Variants in XKR5 observed in about 807,000 individuals in gnomAD.
XKR5 encodes the protein XK related 5.
A neutral mutation model predicts 40.8 loss-of-function variants in XKR5; 46 were observed. The observed-to-expected ratio is 1.13, with a 90% confidence interval of 0.89 to 1.44. The LOEUF is 1.44. XKR5 is among the 40% of genes most tolerant of loss of function. XKR5 has a pLI of 0.00. For missense variants in XKR5, 1,169 were observed against 844.7 expected (o/e 1.38, Z -4.76); for synonymous variants, 466 against 356.1 (o/e 1.31, Z -3.48).
intron 3 of XKR5, among the ~76,000 whole-genome samples, chr8:6,823,993 G>A (rs988464119): frequency 1.3e-5 from 2 of 152,188 alleles, no homozygotes; most frequent in African/African-American, 2.4e-5. Context: ...GCTCTTCCCA[G>A]CAAATGGGCT....
At chr8:6,825,954 A>G (rs1226535305) in intron 2 of XKR5, among the ~76,000 whole-genome samples, 1 of 152,108 alleles carries the variant, frequency 6.6e-6, no homozygotes, top group African/African-American at 2.4e-5. Flanking sequence ...GTCCCGGTGA[A>G]GTAGATCAGG....
At chr8:6,818,182 T>C (rs564439515) in intron 5 of XKR5, among the ~76,000 whole-genome samples, 2 of 152,368 alleles carry the variant, frequency 1.3e-5, no homozygotes, top group East Asian at 1.9e-4. Context: ...GCACTCACTT[T>C]CCTGTGGATT....
rs184948013 is a variant in XKR5, at chr8:6,810,863, T to C, written c.*335A>G. On this transcript the variant is annotated 3_prime_UTR_variant, in exon 7 of 7. Transcript: ENST00000618742. ...CTCAAATAAAATAGGAATCTGGGTT[T>C]TACCTTTGTGTTTCCTAGAAGCCAC... is the stretch of plus-strand genomic sequence containing the variant. The C allele has an allele frequency of 1.3e-3, 259 of 197,082 alleles. 1 individual carries two copies. The highest frequency in any genetic ancestry group is 5.7e-3 in the African/African-American group (248 of 43,282). 12.2% of individuals were successfully genotyped at this position (197,082 alleles called of 1,614,324 possible).
At position 6,809,299 on chromosome 8, in the gene XKR5, C is replaced by G. The variant is rs539942807; in HGVS notation, c.*1899G>C. 2.0e-5 allele frequency: 3 copies of G among 151,018 alleles called. No homozygotes were observed. Among genetic ancestry groups the G allele is most frequent in the Admixed American group, 2.0e-4 (3 of 15,168 alleles). The allele number at this position is 151,018 out of a possible 1,614,324, so 9.4% of individuals were successfully genotyped here. A position where few individuals can be genotyped will look rare whatever the true frequency, so the allele number is the denominator to read the frequency against. On this transcript the variant is annotated 3_prime_UTR_variant, in exon 7 of 7. Coordinates refer to ENST00000618742, the MANE Select transcript of XKR5 (RefSeq NM_207411.5). Reference sequence around the variant, plus strand: ...TGAATGATTTTGTTCTATTAACAAGCTTTTTTTTTAGATAGAGTCTTGCTC... The same window carrying G: ...TGAATGATTTTGTTCTATTAACAAGGTTTTTTTTTAGATAGAGTCTTGCTC...
rs1454187821 is a variant in XKR5 at position 6,808,603 on chromosome 8, T to A, written c.*2595A>T. On this transcript the variant is annotated 3_prime_UTR_variant, in exon 7 of 7. Coordinates refer to ENST00000618742, the MANE Select transcript of XKR5 (RefSeq NM_207411.5). Reference sequence around the variant, plus strand: ...CCTTTTCATCACCGGGCAATATGCTTTCTGGAGGCATGAAGTGAGGAAGCC... The same window carrying A: ...CCTTTTCATCACCGGGCAATATGCTATCTGGAGGCATGAAGTGAGGAAGCC... The A allele has an allele frequency of 6.6e-6, 1 of 152,198 alleles. No homozygotes were observed. The highest frequency in any genetic ancestry group is 2.4e-5 in the African/African-American group (1 of 41,456). The allele number at this position is 152,198 out of a possible 1,614,324, so 9.4% of individuals were successfully genotyped here. A position where few individuals can be genotyped will look rare whatever the true frequency, so the allele number is the denominator to read the frequency against.
Position 6,823,514 on chromosome 8 carries a change from A to T in XKR5, c.637+7T>A, listed in dbSNP as rs759774481. On this transcript the variant is annotated splice_region_variant and intron_variant, in intron 4 of 6. Coordinates refer to ENST00000618742, the MANE Select transcript of XKR5 (RefSeq NM_207411.5). ...CAACAGATGACCAGATCATTAGCTC[A>T]GCTCACCTGCAACCACAAAAACCCA... 6.3e-7 allele frequency: 1 copy of T among 1,577,406 alleles called. No individual in the cohort carries two copies. Among genetic ancestry groups the T allele is most frequent in the Admixed American group, 1.8e-5 (1 of 54,068 alleles).
At chr8:6,818,724 C>G (rs549880042) in intron 5 of XKR5, among the ~76,000 whole-genome samples, 342 of 152,230 alleles carry the variant, frequency 2.2e-3, no homozygotes, top group African/African-American at 8.0e-3. Context: ...CTGGGAATCG[C>G]CACTTTATAA....
chr8:6,816,061 A>C (rs2117085013), intron 5 of XKR5, 143 bp from the exon 6 acceptor site: 1 of 611,242 alleles, frequency 1.6e-6, no homozygotes, highest in East Asian at 2.9e-5. Context: ...AGTACCCAGG[A>C]GCAGGGCTAT....
At chr8:6,834,843 G>T (rs1194108486) in intron 1 of XKR5, among the ~76,000 whole-genome samples, 3 of 151,918 alleles carry the variant, frequency 2.0e-5, no homozygotes, top group Non-Finnish European at 4.4e-5. Context: ...TTCCCCCTGC[G>T]ACGGAGGTGG....
Position 6,832,786 on chromosome 8 carries a change from C to T in XKR5, c.173G>A (p.Arg58Gln), listed in dbSNP as rs763808797. 16 of 1,613,036 alleles carry T rather than the reference C, an allele frequency of 9.9e-6. No individual in the cohort carries two copies. Among genetic ancestry groups the T allele is most frequent in the East Asian group, 2.2e-5 (1 of 44,846 alleles). Residue 58 changes from arginine to glutamine, a missense_variant, in exon 2 of 7, where the codon CGA becomes CAA. Coordinates refer to ENST00000618742, the MANE Select transcript of XKR5 (RefSeq NM_207411.5). Reference sequence around the variant, plus strand: ...GCAATGCCCTGGATGCCCGTCTGCTCGGAACCACAGGTAGCTCAGGGCCTG... The same window carrying T: ...GCAATGCCCTGGATGCCCGTCTGCTTGGAACCACAGGTAGCTCAGGGCCTG... ...LVQALSYLWF[R>Q]ADGHPGHCSL...
chr8:6,826,080 A>G (rs1364569433), intron 2 of XKR5, among the ~76,000 whole-genome samples: 1 of 152,042 alleles, frequency 6.6e-6, no homozygotes, highest in African/African-American at 2.4e-5. Context: ...GTGTCTATGT[A>G]TGTGTATGTG....
At chr8:6,829,938 T>A (rs533480719) in intron 2 of XKR5, among the ~76,000 whole-genome samples, 4 of 138,844 alleles carry the variant, frequency 2.9e-5, no homozygotes, top group African/African-American at 1.1e-4. Context: ...AACGGGTTCA[T>A]GCCATTCTCC....
At position 6,812,092 on chromosome 8, in the gene XKR5, C is replaced by T. The variant is rs1587151106; in HGVS notation, c.1167G>A (p.Leu389=). The T allele has an allele frequency of 2.6e-6, 4 of 1,543,930 alleles. No homozygotes were observed. Among genetic ancestry groups the T allele is most frequent in the East Asian group, 2.4e-5 (1 of 40,920 alleles). Residue 389 remains leucine, a synonymous_variant, in exon 7 of 7, where the codon CTG becomes CTA. Coordinates refer to ENST00000618742, the MANE Select transcript of XKR5 (RefSeq NM_207411.5). ...AGTCCTCCACAGCAACCTGGGTCCC[C>T]AGCCCAGCCTCTGGGGGGACCTGCT... The part of the protein sequence containing the change: ...TPEQVPPEAG[L]GTQVAVEDSF...
chr8:6,816,175 C>T (rs927102073), intron 5 of XKR5, among the ~76,000 whole-genome samples: 1 of 152,098 alleles, frequency 6.6e-6, no homozygotes, highest in Non-Finnish European at 1.5e-5. Context: ...GTAAGGGCAT[C>T]CCTCAAATGG....
chr8:6,829,623 C>G (rs1171944002), intron 2 of XKR5, among the ~76,000 whole-genome samples: 1 of 152,170 alleles, frequency 6.6e-6, no homozygotes, highest in African/African-American at 2.4e-5. Flanking sequence ...TCAAGCGATT[C>G]TCATGCTTCA....
intron 4 of XKR5, among the ~76,000 whole-genome samples, chr8:6,822,427 C>G (rs1007838148): frequency 4.6e-5 from 7 of 152,124 alleles, no homozygotes; most frequent in Admixed American, 1.3e-4. Flanking sequence ...AAGGAAAGAA[C>G]TCTATGTGGT....
Position 6,811,215 on chromosome 8 carries a change from G to A in XKR5, c.2044C>T (p.Pro682Ser). ...GACTGTGGTCAGATGAAAAAACTCG[G>A]CTCTTGCTTCATCTGTTCCCTGCAG... ...CSCREQMKQE[P>S]SFFI Residue 682 changes from proline to serine, a missense_variant, in exon 7 of 7, where the codon CCG (proline) becomes TCG (serine). Transcript: ENST00000618742. 3 of 1,535,856 alleles carry A rather than the reference G, an allele frequency of 2.0e-6. No individual in the cohort carries two copies. The highest frequency in any genetic ancestry group is 2.0e-5 in the Admixed American group (1 of 50,898).
At chr8:6,825,579 T>C (rs1488576552) in intron 2 of XKR5, among the ~76,000 whole-genome samples, 1 of 151,562 alleles carries the variant, frequency 6.6e-6, no homozygotes, top group African/African-American at 2.4e-5. Context: ...TCTCCCCACG[T>C]CTGGTACCCC....
chr8:6,825,931 G>T (rs540762375), intron 2 of XKR5, among the ~76,000 whole-genome samples: 1 of 152,200 alleles, frequency 6.6e-6, no homozygotes, highest in Non-Finnish European at 1.5e-5. Context: ...TGCGGAGCTT[G>T]GAGGCTGATG....
Sources: gnomAD v4.1 joint callset for allele counts (sites outside exome capture counted in the v4.1 genomes callset) on GRCh38, gnomAD v4.1.1 for gene constraint, MANE v1.5 for transcripts, NCBI Gene and HGNC (gene_info 2026-07-23, HGNC 2026-07-21) for gene names.